RNF150: variants seen among roughly 807,000 people sequenced by gnomAD.
RNF150 encodes the protein ring finger protein 150.
Under a neutral mutation model 39.3 loss-of-function variants are expected in RNF150, and 24 were observed. That is an observed-to-expected ratio of 0.61 (90% CI 0.44 to 0.86). The LOEUF (loss-of-function observed/expected upper bound fraction) is 0.86, where lower values mean the gene tolerates loss of function less well. RNF150 is among the 40% of genes least tolerant of loss of function. The pLI is 0.00. For synonymous variants in RNF150, 255 were observed against 227.3 expected, an observed-to-expected ratio of 1.12 and a Z score of -1.10; for missense variants, 502 against 587.8, an observed-to-expected ratio of 0.85 and a Z score of 1.51.
intron 1 of RNF150, among the ~76,000 whole-genome samples, chr4:141,141,069 T>TTG (rs1727110842): frequency 6.6e-6 from 1 of 152,240 alleles, no homozygotes; most frequent in Non-Finnish European, 1.5e-5. Context: ...GTCACAAGAC[T>TTG]ACAGCATTAA....
At chr4:141,058,039 T>A (rs1737058654) in intron 1 of RNF150, among the ~76,000 whole-genome samples, 1 of 152,150 alleles carries the variant, frequency 6.6e-6, no homozygotes. Flanking sequence ...AATCCATGCA[T>A]AAAAATTTAA....
At chr4:141,175,563 G>A (rs1578781198) in intron 1 of RNF150, among the ~76,000 whole-genome samples, 1 of 152,068 alleles carries the variant, frequency 6.6e-6, no homozygotes, top group Admixed American at 6.6e-5. Flanking sequence ...TCACTGCTGG[G>A]GTCTAAGAGG....
chr4:141,054,177 T>C (rs1409026707), intron 1 of RNF150, among the ~76,000 whole-genome samples: 1 of 152,182 alleles, frequency 6.6e-6, no homozygotes, highest in Non-Finnish European at 1.5e-5. Flanking sequence ...TTTGTTCACT[T>C]GCCATGTATC....
At position 140,919,724 on chromosome 4, in the gene RNF150, G is replaced by A. The variant is rs1009673808; in HGVS notation, c.987+6253C>T. Among the ~76,000 whole-genome samples, 5 of 151,804 alleles carry A rather than the reference G, an allele frequency of 3.3e-5. 1 individual carries two copies. Among genetic ancestry groups the A allele is most frequent in the Admixed American group, 6.6e-5 (1 of 15,212 alleles). On this transcript the variant is annotated intron_variant, in intron 5 of 6. Coordinates refer to ENST00000515673, the MANE Select transcript of RNF150 (RefSeq NM_020724.2). ...ATGGAACCAAAAAAGAGCCCGCATTGCCAAGCCAATCCTAAGCCAAAAGAA... is the reference window on the plus strand; with the variant it reads ...ATGGAACCAAAAAAGAGCCCGCATTACCAAGCCAATCCTAAGCCAAAAGAA...
At chr4:141,072,059 T>G (rs532318708) in intron 1 of RNF150, among the ~76,000 whole-genome samples, 197 of 152,262 alleles carry the variant, frequency 1.3e-3, no homozygotes, top group African/African-American at 4.5e-3. Flanking sequence ...GGCCTCAGAT[T>G]TGCGTGCTAA....
intron 1 of RNF150, among the ~76,000 whole-genome samples, chr4:141,149,349 C>G (rs1207809883): frequency 6.6e-6 from 1 of 150,424 alleles, no homozygotes; most frequent in East Asian, 2.0e-4. Context: ...CAGCAGTGTA[C>G]CCTATACCCA....
chr4:141,006,312 T>C (rs1173983456), intron 1 of RNF150, among the ~76,000 whole-genome samples: 1 of 151,088 alleles, frequency 6.6e-6, no homozygotes, highest in African/African-American at 2.5e-5. Context: ...ACACACACAT[T>C]TCTCCATTTC....
intron 1 of RNF150, among the ~76,000 whole-genome samples, chr4:141,168,737 C>T (rs10033811): frequency 0.011 from 1,643 of 151,928 alleles, 36 homozygotes; most frequent in African/African-American, 0.038. Flanking sequence ...AAATGGGAGT[C>T]GAACAAGGAG....
intron 1 of RNF150, among the ~76,000 whole-genome samples, chr4:141,017,304 C>T (rs529707534): frequency 2.6e-5 from 4 of 152,054 alleles, no homozygotes; most frequent in Non-Finnish European, 5.9e-5. Flanking sequence ...TTGAGATCAC[C>T]TTAGACATCT....
chr4:140,872,230 T>C (rs1215388671), intron 6 of RNF150, among the ~76,000 whole-genome samples: 1 of 152,264 alleles, frequency 6.6e-6, no homozygotes, highest in Non-Finnish European at 1.5e-5. Flanking sequence ...TATAAGTAGC[T>C]ATTAACAACA....
At chr4:140,921,175 TATAATAATAATA>T (rs58434636) in intron 5 of RNF150, among the ~76,000 whole-genome samples, 10 of 148,144 alleles carry the variant, frequency 6.8e-5, no homozygotes, top group Admixed American at 3.4e-4. Context: ...AAACTTAAAG[TATAATAATAATA>T]ATAATAATAA....
At chr4:141,097,619 T>C (rs1738843646) in intron 1 of RNF150, among the ~76,000 whole-genome samples, 1 of 152,170 alleles carries the variant, frequency 6.6e-6, no homozygotes, top group Admixed American at 6.5e-5. Context: ...TTGTGCTGTT[T>C]TTCTTAATCA....
chr4:141,114,205 A>T lies in RNF150; in HGVS notation c.484+18120T>A, dbSNP rs186785266. Among the ~76,000 whole-genome samples, 9 of 152,300 alleles carry T rather than the reference A, an allele frequency of 5.9e-5. No individual in the cohort carries two copies. In the South Asian group the frequency reaches 6.2e-4, roughly 11 times the overall value. On this transcript the variant is annotated intron_variant, in intron 1 of 6. Transcript: ENST00000515673. ...AGACATGAAAAACCCTTCAAAAAAAATTGATGAATCCAGGAGCTGGTTTTT... is the reference window on the plus strand; with the variant it reads ...AGACATGAAAAACCCTTCAAAAAAATTTGATGAATCCAGGAGCTGGTTTTT...
intron 1 of RNF150, among the ~76,000 whole-genome samples, chr4:141,104,385 A>G (rs567663157): frequency 1.3e-5 from 2 of 152,310 alleles, no homozygotes; most frequent in South Asian, 4.1e-4. Context: ...ATTTTGAATC[A>G]TCTCCAATAA....
At chr4:141,057,554 C>G (rs1737031667) in intron 1 of RNF150, among the ~76,000 whole-genome samples, 1 of 152,082 alleles carries the variant, frequency 6.6e-6, no homozygotes, top group Non-Finnish European at 1.5e-5. Flanking sequence ...CCCCAACCTT[C>G]CCCTCCGAGT....
intron 1 of RNF150, among the ~76,000 whole-genome samples, chr4:141,021,156 G>T (rs1275048458): frequency 6.6e-6 from 1 of 152,112 alleles, no homozygotes; most frequent in Non-Finnish European, 1.5e-5. Context: ...AGCAGGCCAG[G>T]GTGATCAGAT....
At chr4:140,905,328 T>C (rs1730334473) in intron 6 of RNF150, among the ~76,000 whole-genome samples, 1 of 152,142 alleles carries the variant, frequency 6.6e-6, no homozygotes, top group Non-Finnish European at 1.5e-5. Flanking sequence ...CATCAAGACA[T>C]TTAGGAACTA....
intron 6 of RNF150, among the ~76,000 whole-genome samples, chr4:140,870,740 G>A (rs1728901755): frequency 6.6e-6 from 1 of 152,074 alleles, no homozygotes; most frequent in Admixed American, 6.6e-5. Context: ...CCAGATGCAG[G>A]GGCTTGCTGT....
intron 4 of RNF150, among the ~76,000 whole-genome samples, chr4:140,947,231 A>G (rs948483468): frequency 6.6e-6 from 1 of 152,088 alleles, no homozygotes; most frequent in Non-Finnish European, 1.5e-5. Context: ...ACTTCTGACC[A>G]TATTCTAATT....
Sources: allele counts gnomAD v4.1 joint callset (sites outside exome capture counted in the v4.1 genomes callset), GRCh38; gene constraint gnomAD v4.1.1; transcripts MANE v1.5; gene names NCBI Gene and HGNC (gene_info 2026-07-23, HGNC 2026-07-21).